Variants in TNKS2 observed in about 807,000 individuals in gnomAD.
The protein encoded by TNKS2 is poly [ADP-ribose] polymerase tankyrase-2.
Under a neutral mutation model 137.6 loss-of-function variants are expected in TNKS2, and 72 were observed. That is an observed-to-expected ratio of 0.52 (90% CI 0.43 to 0.64). The LOEUF (loss-of-function observed/expected upper bound fraction) is 0.64, where lower values mean the gene tolerates loss of function less well. TNKS2 is among the 30% of genes least tolerant of loss of function. The pLI is 0.00. For missense variants in TNKS2, 1,049 were observed against 1,410.2 expected, an observed-to-expected ratio of 0.74 and a Z score of 4.10; for synonymous variants, 516 against 512.1, an observed-to-expected ratio of 1.01 and a Z score of -0.10.
chr10:91,837,736 T>G (rs1564620503), intron 13 of TNKS2, among the ~76,000 whole-genome samples: 1 of 152,218 alleles, frequency 6.6e-6, no homozygotes, highest in Non-Finnish European at 1.5e-5. Context: ...GGGATGCACC[T>G]GTAATCCCAG....
At position 91,836,064 on chromosome 10, in the gene TNKS2, C is replaced by T. The variant is rs145308947; in HGVS notation, c.1448-855C>T. 4.0e-3 allele frequency among the ~76,000 whole-genome samples: 345 copies of T among 86,496 alleles called. 2 individuals are homozygous for T. Among genetic ancestry groups the T allele is most frequent in the African/African-American group, 0.015 (313 of 20,300 alleles). The allele number at this position is 86,496 out of a possible 152,430, so 56.7% of individuals were successfully genotyped here. ...TTTTTTTTTTTTTTTTTTTTTGAGA[C>T]GAAGTTTCACTCTTGTTGCCCAGGC... On this transcript the variant is annotated intron_variant, in intron 12 of 26. Coordinates refer to ENST00000371627, the MANE Select transcript of TNKS2 (RefSeq NM_025235.4).
chr10:91,832,534 G>T (rs970315410), intron 11 of TNKS2, among the ~76,000 whole-genome samples: 3 of 151,760 alleles, frequency 2.0e-5, no homozygotes, highest in African/African-American at 7.3e-5. Flanking sequence ...TGAATAAATA[G>T]TTTGATTGTC....
At chr10:91,805,388 A>G (rs915625539) in intron 1 of TNKS2, among the ~76,000 whole-genome samples, 3 of 152,190 alleles carry the variant, frequency 2.0e-5, no homozygotes, top group Non-Finnish European at 1.5e-5. Context: ...GTTGGTAACT[A>G]TGTGGATATA....
intron 11 of TNKS2, 147 bp from the exon 12 acceptor site, chr10:91,833,706 T>C (rs1407255342): frequency 4.9e-6 from 3 of 609,162 alleles, no homozygotes; most frequent in Non-Finnish European, 7.6e-6. Context: ...ATTCTCTAGA[T>C]TTGAGCAAAA....
intron 16 of TNKS2, among the ~76,000 whole-genome samples, chr10:91,844,170 T>C (rs1842295021): frequency 1.3e-5 from 2 of 152,226 alleles, no homozygotes; most frequent in Non-Finnish European, 2.9e-5. Context: ...ACAAATAATT[T>C]GTATGCATAA....
chr10:91,833,686 T>A lies in TNKS2; in HGVS notation c.1276-167T>A, dbSNP rs184568540. On this transcript the variant is annotated intron_variant, in intron 11 of 26. Coordinates refer to ENST00000371627, the MANE Select transcript of TNKS2 (RefSeq NM_025235.4). ...CCTTCTGATGGTAGCCTTCATGACT[T>A]GGTAAATTTATTCTCTAGATTTGAG... Among the ~76,000 whole-genome samples, 399 of 152,316 alleles carry A rather than the reference T, an allele frequency of 2.6e-3. 3 individuals are homozygous for A. Among genetic ancestry groups the A allele is most frequent in the Middle Eastern group, 6.8e-3 (2 of 294 alleles).
At chr10:91,859,420 G>T in intron 24 of TNKS2, 42 bp from the exon 25 acceptor site, 1 of 1,380,564 alleles carries the variant, frequency 7.2e-7, no homozygotes, top group Non-Finnish European at 9.6e-7. Flanking sequence ...TTTATTCTAA[G>T]ATAAATTTTA....
chr10:91,842,764 CAAAAAATAA>C (rs1842251024), intron 16 of TNKS2, among the ~76,000 whole-genome samples: 1 of 132,702 alleles, frequency 7.5e-6, no homozygotes, highest in Non-Finnish European at 1.6e-5. Context: ...GACCCTGTCT[CAAAAAATAA>C]AAAAAATAAA....
intron 1 of TNKS2, among the ~76,000 whole-genome samples, chr10:91,805,908 T>C (rs567040596): frequency 5.8e-4 from 88 of 152,162 alleles, no homozygotes; most frequent in Non-Finnish European, 1.0e-3. Flanking sequence ...GATAACCTAC[T>C]TGGGGAGGAC....
At chr10:91,826,711 A>G (rs1845081825) in intron 7 of TNKS2, among the ~76,000 whole-genome samples, 1 of 152,186 alleles carries the variant, frequency 6.6e-6, no homozygotes, top group Non-Finnish European at 1.5e-5. Flanking sequence ...TGTATGTTTC[A>G]CTGTATGTCA....
chr10:91,856,491 A>G (rs762272899), intron 23 of TNKS2, among the ~76,000 whole-genome samples: 1 of 152,202 alleles, frequency 6.6e-6, no homozygotes, highest in Non-Finnish European at 1.5e-5. Context: ...CTACAGGTAC[A>G]TTTCAGTCAA....
At chr10:91,828,617 C>T (rs1042411808) in intron 9 of TNKS2, among the ~76,000 whole-genome samples, 8 of 151,260 alleles carry the variant, frequency 5.3e-5, no homozygotes, top group African/African-American at 1.9e-4. Flanking sequence ...CGAGAATCCT[C>T]AGAAAAAAAA....
chr10:91,842,506 G>T (rs1352822549), intron 16 of TNKS2, 115 bp downstream of exon 16: 2 of 903,414 alleles, frequency 2.2e-6, no homozygotes, highest in East Asian at 5.3e-5. Flanking sequence ...AAGCATGGTG[G>T]CTCACACTTG....
intron 13 of TNKS2, 28 bp from the exon 14 acceptor site, chr10:91,840,533 A>G (rs1476623045): frequency 6.3e-7 from 1 of 1,591,330 alleles, no homozygotes; most frequent in Non-Finnish European, 8.6e-7. Flanking sequence ...TAGATGTAGT[A>G]TCATGTATGT....
At chr10:91,826,096 T>G (rs1845059430) in intron 7 of TNKS2, among the ~76,000 whole-genome samples, 2 of 152,250 alleles carry the variant, frequency 1.3e-5, no homozygotes, top group African/African-American at 4.8e-5. Context: ...ATATACTACA[T>G]AATGAGAAAT....
intron 23 of TNKS2, among the ~76,000 whole-genome samples, chr10:91,856,568 G>C (rs1476438018): frequency 2.6e-5 from 4 of 152,164 alleles, no homozygotes; most frequent in Non-Finnish European, 5.9e-5. Context: ...CAGGAGAGAG[G>C]TTGTGTGTTT....
rs1018640628 is a variant in TNKS2 at position 91,817,248 on chromosome 10, G to A, written c.520+19G>A. The A allele has an allele frequency of 1.9e-6, 3 of 1,584,162 alleles. No homozygotes were observed. Among genetic ancestry groups the A allele is most frequent in the Admixed American group, 1.7e-5 (1 of 58,166 alleles). On this transcript the variant is annotated intron_variant, in intron 3 of 26. Transcript: ENST00000371627. ...CTTACTGGTAAGTCTGTATACTCTGGTTATTCCAGGAAGCCTGTAAAGAAC... is the reference window on the plus strand; with the variant it reads ...CTTACTGGTAAGTCTGTATACTCTGATTATTCCAGGAAGCCTGTAAAGAAC...
chr10:91,812,751 T>C, intron 1 of TNKS2: 1 of 985,114 alleles, frequency 1.0e-6, no homozygotes, highest in Non-Finnish European at 1.2e-6. Context: ...GCAGTAGTAG[T>C]ACCACCCAAG....
At chr10:91,805,604 T>C (rs1018766565) in intron 1 of TNKS2, among the ~76,000 whole-genome samples, 1 of 152,184 alleles carries the variant, frequency 6.6e-6, no homozygotes, top group Non-Finnish European at 1.5e-5. Flanking sequence ...TAACAGCTAG[T>C]TATTTTACTC....
Sources: gnomAD v4.1 joint callset for allele counts (sites outside exome capture counted in the v4.1 genomes callset) on GRCh38, gnomAD v4.1.1 for gene constraint, MANE v1.5 for transcripts, NCBI Gene and HGNC (gene_info 2026-07-23, HGNC 2026-07-21) for gene names.